The following ADPGK variants were observed in gnomAD, a reference collection of about 807,000 sequenced individuals.
The protein encoded by ADPGK is ADP-dependent glucokinase.
Under a neutral mutation model 42.4 loss-of-function variants are expected in ADPGK, and 26 were observed. The ratio of observed to expected loss-of-function variants is 0.61; its 90% CI spans 0.45 to 0.85. The LOEUF is 0.85. Among genes scored for constraint, ADPGK ranks in the 40% least tolerant of loss-of-function variants. ADPGK has a pLI of 0.00. For synonymous variants in ADPGK, 267 were observed against 252.6 expected (o/e 1.06, Z -0.54); for missense variants, 571 against 627.0 (o/e 0.91, Z 0.95).
intron 6 of ADPGK, among the ~76,000 whole-genome samples, chr15:72,753,195 T>C (rs1011009788): frequency 2.6e-5 from 4 of 152,228 alleles, no homozygotes; most frequent in African/African-American, 4.8e-5. Flanking sequence ...CCATGGTCCC[T>C]AGCTTTTGCC....
At chr15:72,759,086 C>T (rs919990609) in intron 4 of ADPGK, among the ~76,000 whole-genome samples, 1 of 152,138 alleles carries the variant, frequency 6.6e-6, no homozygotes, top group Admixed American at 6.5e-5. Flanking sequence ...TATAGGCGCC[C>T]GCCTCCACAC....
At chr15:72,765,805 A>G (rs949902479) in intron 3 of ADPGK, among the ~76,000 whole-genome samples, 64 of 152,216 alleles carry the variant, frequency 4.2e-4, no homozygotes, top group African/African-American at 1.5e-3. Flanking sequence ...TTGAATGGAT[A>G]AAGAGTTGCT....
intron 1 of ADPGK, among the ~76,000 whole-genome samples, chr15:72,780,744 A>G (rs1196620508): frequency 6.6e-6 from 1 of 152,222 alleles, no homozygotes; most frequent in East Asian, 1.9e-4. Context: ...GCCACTGCAC[A>G]CGCCAGCCTG....
chr15:72,774,872 C>G lies in ADPGK; in HGVS notation c.459G>C (p.Gln153His). 6.2e-7 allele frequency: 1 copy of G among 1,610,654 alleles called. No individual in the cohort carries two copies. The highest frequency in any genetic ancestry group is 1.1e-5 in the South Asian group (1 of 91,040). Residue 153 changes from glutamine to histidine, a missense_variant and splice_region_variant, in exon 2 of 7, where the codon CAG (glutamine) becomes CAC (histidine). By Grantham distance (24) the Gln-to-His change is conservative (BLOSUM62 0). Around this residue, in one of 2 missense-constraint regions of ADPGK, gnomAD observed 434 missense variants for 522.7 expected, o/e 0.83. Coordinates refer to ENST00000456471, the MANE Select transcript of ADPGK (RefSeq NM_001365225.1). ...AQVASEFPGA[Q>H]HYVGGNAALI... The stretch of plus-strand genomic sequence containing the variant: ...TTTACTATTGCTGAACCAAACAGAC[C>G]TGGGCTCCTGGGAACTCTGATGCAA...
intron 4 of ADPGK, chr15:72,760,100 ATATG>A (rs1271968714): frequency 4.1e-5 from 7 of 172,344 alleles, no homozygotes; most frequent in Admixed American, 2.4e-4. Flanking sequence ...AAAACTTTAT[ATATG>A]TGTGTTTAAC....
In ADPGK at chr15:72,755,531, C is replaced by G. The variant is rs747127280; in HGVS notation, c.939+25G>C. 2.2e-5 allele frequency: 35 copies of G among 1,577,584 alleles called. No homozygotes were observed. In the South Asian group the frequency reaches 3.8e-4, roughly 17 times the overall value. ...CTGCAAGGCTCTATGAGGATCAGGGCCAAACGATGGTCCCATGAGGTTACC... is the reference window on the plus strand; with the variant it reads ...CTGCAAGGCTCTATGAGGATCAGGGGCAAACGATGGTCCCATGAGGTTACC... On this transcript the variant is annotated intron_variant, in intron 6 of 6. Transcript: ENST00000456471.
At position 72,751,910 on chromosome 15, in the gene ADPGK, G is replaced by C. The variant is rs544221685; in HGVS notation, c.*431C>G. 3.5e-4 allele frequency: 61 copies of C among 171,932 alleles called. No homozygotes were observed. The highest frequency in any genetic ancestry group is 6.3e-4 in the Non-Finnish European group (50 of 79,044). 10.7% of individuals were successfully genotyped at this position (171,932 alleles called of 1,614,324 possible). A position where few individuals can be genotyped will look rare whatever the true frequency, so the allele number is the denominator to read the frequency against. ...CATTGTAACACGGAATGGAAATCAT[G>C]ATCCTTGCCCATGGGCACTGAGCTG... is the stretch of plus-strand genomic sequence containing the variant. On this transcript the variant is annotated 3_prime_UTR_variant, in exon 7 of 7. Transcript: ENST00000456471.
intron 5 of ADPGK, chr15:72,755,896 G>A (rs1020296351): frequency 9.2e-6 from 6 of 652,656 alleles, no homozygotes; most frequent in Admixed American, 4.1e-5. Flanking sequence ...AGTTCACTTC[G>A]ACTGCTGTAC....
At chr15:72,768,592 T>C (rs577846705) in intron 3 of ADPGK, among the ~76,000 whole-genome samples, 1 of 151,858 alleles carries the variant, frequency 6.6e-6, no homozygotes, top group Admixed American at 6.6e-5. Context: ...CACTTGAACC[T>C]GAGAGACGGA....
rs111810782 is a variant in ADPGK, at chr15:72,783,711, C to T, written c.-20G>A. The T allele has an allele frequency of 4.6e-4, 664 of 1,448,070 alleles. 3 individuals carry two copies. The African/African-American group carries it at 7.1e-3, about 16-fold the overall frequency. 89.7% of individuals were successfully genotyped at this position (1,448,070 alleles called of 1,614,324 possible). A position where few individuals can be genotyped will look rare whatever the true frequency, so the allele number is the denominator to read the frequency against. ...CGCCATGGGGACCCAGGCGCCGCAC[C>T]TGCGCGAACCAACTCCTTTCCTAGC... On this transcript the variant is annotated 5_prime_UTR_variant, in exon 1 of 7. Coordinates refer to ENST00000456471, the MANE Select transcript of ADPGK (RefSeq NM_001365225.1).
chr15:72,755,573 T>G lies in ADPGK; in HGVS notation c.922A>C (p.Ser308Arg). The change falls in exon 6 of 7, where the codon AGC becomes CGC. Residue 308 changes from serine to arginine, a missense_variant. Ser to Arg is a moderately radical substitution (Grantham distance 110, BLOSUM62 -1). Coordinates refer to ENST00000456471, the MANE Select transcript of ADPGK (RefSeq NM_001365225.1). ...GAGGTTACCTGATGGACAATGCTGC[T>G]CATGAGCTCCCTGTTAGTCATACTG... The part of the protein sequence containing the change: ...LASMTNRELM[S>R]SIVHQQVFPA... 6.2e-7 allele frequency: 1 copy of G among 1,613,776 alleles called. No homozygotes were observed. Among genetic ancestry groups the G allele is most frequent in the Non-Finnish European group, 8.5e-7 (1 of 1,179,722 alleles).
At chr15:72,758,992 G>A (rs779964569) in intron 4 of ADPGK, among the ~76,000 whole-genome samples, 4 of 152,196 alleles carry the variant, frequency 2.6e-5, no homozygotes, top group Non-Finnish European at 5.9e-5. Flanking sequence ...AGACTGGAGT[G>A]CAGTGGTGCA....
rs766612808 is a variant in ADPGK, at chr15:72,756,334, A to T, written c.757T>A (p.Phe253Ile). The change falls in exon 5 of 7, where the codon TTT becomes ATT. Residue 253 changes from phenylalanine to isoleucine, a missense_variant. This residue lies in a region of ADPGK where 434 missense variants were observed against 522.7 expected (regional missense o/e 0.83). Coordinates refer to ENST00000456471, the MANE Select transcript of ADPGK (RefSeq NM_001365225.1). ...LEVFVSSLEE[F>I]QPDLVVLSGL... Reference sequence around the variant, plus strand: ...GAGAGGACCACCAGGTCTGGCTGAAACTCCTCCAGGCTAGACACAAACACC... The same window carrying T: ...GAGAGGACCACCAGGTCTGGCTGAATCTCCTCCAGGCTAGACACAAACACC... 1.9e-6 allele frequency: 3 copies of T among 1,613,558 alleles called. No individual in the cohort carries two copies. Among genetic ancestry groups the T allele is most frequent in the Non-Finnish European group, 2.5e-6 (3 of 1,179,884 alleles).
chr15:72,760,303 T>C, intron 4 of ADPGK, 104 bp downstream of exon 4: 1 of 1,379,788 alleles, frequency 7.2e-7, no homozygotes, highest in East Asian at 2.5e-5. Context: ...AAAAACAGGA[T>C]CCTGCTAATT....
At chr15:72,770,676 T>G (rs949010224) in intron 3 of ADPGK, among the ~76,000 whole-genome samples, 8 of 152,254 alleles carry the variant, frequency 5.3e-5, no homozygotes, top group African/African-American at 1.9e-4. Context: ...TTTCTTTTTA[T>G]TATTCTTTCT....
Position 72,774,834 on chromosome 15 carries a change from T to C in ADPGK, c.459+38A>G, listed in dbSNP as rs1414159444. On this transcript the variant is annotated intron_variant, in intron 2 of 6. Transcript: ENST00000456471. ...AGGAACCATATTAAAAAGGCATCTTTTTCCACCCTTAATTTACTATTGCTG... is the reference window on the plus strand; with the variant it reads ...AGGAACCATATTAAAAAGGCATCTTCTTCCACCCTTAATTTACTATTGCTG... 6 of 1,561,386 alleles carry C rather than the reference T, an allele frequency of 3.8e-6. No homozygotes were observed. In the South Asian group the frequency reaches 5.7e-5, roughly 15 times the overall value.
intron 3 of ADPGK, among the ~76,000 whole-genome samples, chr15:72,766,995 T>C (rs948320403): frequency 6.6e-6 from 1 of 152,124 alleles, no homozygotes; most frequent in South Asian, 2.1e-4. Context: ...AAGGCAGAGA[T>C]TGTCAAAGTG....
At chr15:72,783,270 C>T (rs926843275) in intron 1 of ADPGK, 189 bp downstream of exon 1, 5 of 1,250,346 alleles carry the variant, frequency 4.0e-6, no homozygotes, top group Non-Finnish European at 5.0e-6. Context: ...GGCGCAGAGG[C>T]CAGCCGAGTG....
At position 72,752,530 on chromosome 15, in the gene ADPGK, A is replaced by G. The variant is rs1346770026; in HGVS notation, c.1305T>C (p.Thr435=). Residue 435 remains threonine (T), a synonymous_variant, in exon 7 of 7, where the codon ACT becomes ACC. Transcript: ENST00000456471. ...VSLRAPQEFM[T]SHSEAGSRIV... Reference sequence around the variant, plus strand: ...TCCTGGAGCCTGCCTCCGAATGGGAAGTCATGAACTCTTGGGGTGCCCTCA... The same window carrying G: ...TCCTGGAGCCTGCCTCCGAATGGGAGGTCATGAACTCTTGGGGTGCCCTCA... 3.7e-6 allele frequency: 6 copies of G among 1,614,056 alleles called. No homozygotes were observed. The highest frequency in any genetic ancestry group is 4.2e-6 in the Non-Finnish European group (5 of 1,180,034).
Sources: gnomAD v4.1 joint callset for allele counts (sites outside exome capture counted in the v4.1 genomes callset) on GRCh38, gnomAD v4.1.1 for gene constraint, gnomAD v4.1.1 regional missense constraint, MANE v1.5 for transcripts, NCBI Gene and HGNC (gene_info 2026-07-23, HGNC 2026-07-21) for gene names.